The following LRRC56 variants were observed in gnomAD, a reference collection of about 807,000 sequenced individuals.
LRRC56 encodes the protein leucine-rich repeat-containing protein 56.
In LRRC56, 41 loss-of-function variants were observed where a neutral mutation model predicts 47.8. The observed-to-expected ratio is 0.86, with a 90% confidence interval of 0.67 to 1.11. The LOEUF (loss-of-function observed/expected upper bound fraction) is 1.11. LRRC56 is among the 50% of genes most tolerant of loss of function. The probability of loss-of-function intolerance (pLI) is 0.00; values close to 1 mark genes in which losing one functional copy is unlikely to be tolerated. For synonymous variants in LRRC56, 387 were observed against 311.2 expected (o/e 1.24, Z -2.56); for missense variants, 759 against 704.2 (o/e 1.08, Z -0.88).
intron 13 of LRRC56, 65 bp downstream of exon 13, chr11:552,767 G>C (rs1465444624): frequency 3.5e-6 from 5 of 1,418,600 alleles, no homozygotes; most frequent in Middle Eastern, 1.8e-4. Flanking sequence ...TCTATAGGGG[G>C]GCCCTTACCC....
At chr11:542,580 C>CAAAAAAAAAAAAAAAAAAAAAA (rs71022928) in intron 5 of LRRC56, among the ~76,000 whole-genome samples, 10 of 25,994 alleles carry the variant, frequency 3.8e-4, no homozygotes, top group African/African-American at 4.3e-4. Flanking sequence ...AACCCTGTCG[C>CAAAAAAAAAAAAAAAAAAAAAA]AAAAAAAAAA....
chr11:552,075 C>G lies in LRRC56; in HGVS notation c.1039-15C>G. 1 of 1,608,532 alleles carries G rather than the reference C, an allele frequency of 6.2e-7. No homozygotes were observed. The highest frequency in any genetic ancestry group is 1.1e-5 in the South Asian group (1 of 90,874). On this transcript the variant is annotated splice_polypyrimidine_tract_variant and intron_variant, in intron 11 of 13. Transcript: ENST00000270115. ...CAGGGCCAGAATCCCTAAAGCAGTC[C>G]CTTTTCCTCCCCAGGCCAGGGAGCC...
chr11:512,722 C>T, the LRRC56 span, among the ~76,000 whole-genome samples: 22 of 152,256 alleles, frequency 1.4e-4, no homozygotes, highest in South Asian at 3.9e-3. Flanking sequence ...ATCTGACTTC[C>T]TTTTCTCAAT....
At chr11:516,465 G>C in the LRRC56 span, among the ~76,000 whole-genome samples, 1 of 151,888 alleles carries the variant, frequency 6.6e-6, no homozygotes, top group Admixed American at 6.6e-5. Flanking sequence ...TTCCAGAGCT[G>C]TTTTGATGAT....
At chr11:551,027 C>A in intron 8 of LRRC56, 104 bp from the exon 9 acceptor site, 1 of 674,508 alleles carries the variant, frequency 1.5e-6, no homozygotes, top group Non-Finnish European at 2.4e-6. Flanking sequence ...GGGCCCCTGC[C>A]CTGCCCCACG....
chr11:538,789 GCACGCAGGCCA>G lies in LRRC56; in HGVS notation c.-228_-218del, dbSNP rs920128206. Reference sequence around the variant, plus strand: ...TCCTGCGACTGTGGACAGCAGAGGAGCACGCAGGCCACGTGCAGGCCACGTGCAGCCCACAG... The same window carrying G: ...TCCTGCGACTGTGGACAGCAGAGGAGCGTGCAGGCCACGTGCAGCCCACAG... On this transcript the variant is annotated 5_prime_UTR_variant, in exon 2 of 14. An upstream open reading frame in the 5' UTR gains an earlier in-frame stop. Transcript: ENST00000270115. The G allele has an allele frequency of 2.6e-5, 4 of 152,262 alleles. No homozygotes were observed. Among genetic ancestry groups the G allele is most frequent in the Non-Finnish European group, 2.9e-5 (2 of 68,076 alleles). The allele number at this position is 152,262 out of a possible 1,614,324, so 9.4% of individuals were successfully genotyped here. A position where few individuals can be genotyped will look rare whatever the true frequency, so the allele number is the denominator to read the frequency against.
chr11:544,171 C>G (rs1175485650), intron 5 of LRRC56, among the ~76,000 whole-genome samples: 1 of 152,220 alleles, frequency 6.6e-6, no homozygotes, highest in African/African-American at 2.4e-5. Context: ...GAAACACAGG[C>G]TGGGGCGTGC....
the LRRC56 span, chr11:529,515 G>A: frequency 6.6e-6 from 1 of 152,322 alleles, no homozygotes; most frequent in Non-Finnish European, 1.5e-5. Context: ...GATCCCTGGA[G>A]GGATGCCTGG....
chr11:515,966 G>A, the LRRC56 span, among the ~76,000 whole-genome samples: 4 of 152,338 alleles, frequency 2.6e-5, no homozygotes, highest in East Asian at 7.7e-4. Context: ...TTTCTCTGCT[G>A]AATTTGCTTA....
In LRRC56 at chr11:550,073, A is replaced by G; in HGVS notation, c.425A>G (p.Glu142Gly). The G allele has an allele frequency of 6.2e-7, 1 of 1,611,848 alleles. No individual in the cohort carries two copies. The highest frequency in any genetic ancestry group is 1.3e-5 in the African/African-American group (1 of 75,018). ...DGIASLPALKELYASYNNISD... is the reference protein window; with the variant it reads ...DGIASLPALKGLYASYNNISD... ...GGCTCAGAGCCCCGCGCTGCCCAGGAACTCTACGCCTCCTACAACAACATC... is the reference window on the plus strand; with the variant it reads ...GGCTCAGAGCCCCGCGCTGCCCAGGGACTCTACGCCTCCTACAACAACATC... The change falls in exon 8 of 14, where the codon GAA becomes GGA. Residue 142 changes from glutamate (E) to glycine (G), a missense_variant and splice_region_variant. Glu to Gly is a moderately conservative substitution (Grantham distance 98). Coordinates refer to ENST00000270115, the MANE Select transcript of LRRC56 (RefSeq NM_198075.4).
chr11:548,627 T>G (rs1852209296), intron 6 of LRRC56, among the ~76,000 whole-genome samples: 1 of 151,460 alleles, frequency 6.6e-6, no homozygotes. Flanking sequence ...CTGGCTAATT[T>G]TTTTGTATTT....
intron 4 of LRRC56, 82 bp downstream of exon 4, chr11:540,943 C>G (rs1222866802): frequency 5.0e-6 from 6 of 1,190,390 alleles, no homozygotes; most frequent in Non-Finnish European, 6.9e-6. Context: ...GATGGTCCAG[C>G]CTGCCCTCTG....
chr11:516,468 TTGA>T, the LRRC56 span, among the ~76,000 whole-genome samples: 1 of 152,048 alleles, frequency 6.6e-6, no homozygotes, highest in African/African-American at 2.4e-5. Context: ...CAGAGCTGTT[TTGA>T]TGATTGTAGG....
the LRRC56 span, among the ~76,000 whole-genome samples, chr11:527,790 C>T: frequency 1.3e-5 from 2 of 151,374 alleles, no homozygotes; most frequent in East Asian, 3.9e-4. Context: ...AACCTCCACC[C>T]ACTGGGTTCA....
At chr11:540,562 A>G in intron 3 of LRRC56, 112 bp from the exon 4 acceptor site, 1 of 885,504 alleles carries the variant, frequency 1.1e-6, no homozygotes, top group Non-Finnish European at 1.7e-6. Context: ...GGTGGGTGCC[A>G]AGGGCTTGCT....
chr11:526,292 C>T, the LRRC56 span, among the ~76,000 whole-genome samples: 2 of 152,156 alleles, frequency 1.3e-5, no homozygotes, highest in East Asian at 1.9e-4. Flanking sequence ...AGGCACACAG[C>T]GCTAAGGAGA....
intron 13 of LRRC56, 147 bp downstream of exon 13, chr11:552,849 C>T (rs1227079231): frequency 2.7e-6 from 2 of 733,522 alleles, no homozygotes; most frequent in African/African-American, 3.6e-5. Flanking sequence ...GGGAGGCCCC[C>T]TTCTGGGGGT....
Position 554,321 on chromosome 11 carries a change from G to T in LRRC56, c.*45G>T. 6.9e-7 allele frequency: 1 copy of T among 1,440,500 alleles called. No homozygotes were observed. The highest frequency in any genetic ancestry group is 9.1e-7 in the Non-Finnish European group (1 of 1,094,154). The allele number at this position is 1,440,500 out of a possible 1,614,324, so 89.2% of individuals were successfully genotyped here. A position where few individuals can be genotyped will look rare whatever the true frequency, so the allele number is the denominator to read the frequency against. The stretch of plus-strand genomic sequence containing the variant: ...CTTCCCTGTGCTGGGGCCACGACTT[G>T]CCCACATATGTGGTCACAGAGCACA... On this transcript the variant is annotated 3_prime_UTR_variant, in exon 14 of 14. Coordinates refer to ENST00000270115, the MANE Select transcript of LRRC56 (RefSeq NM_198075.4).
At chr11:534,335 G>T (rs575874689), upstream of LRRC56, 14 of 1,605,930 alleles carry the variant, frequency 8.7e-6, no homozygotes, top group South Asian at 1.3e-4. Context: ...CTCCTCAGGG[G>T]CCTGCGGCCC....
Sources: allele counts gnomAD v4.1 joint callset (sites outside exome capture counted in the v4.1 genomes callset), GRCh38; gene constraint gnomAD v4.1.1; transcripts MANE v1.5; gene names NCBI Gene and HGNC (gene_info 2026-07-23, HGNC 2026-07-21).